ZC3H12D: variants seen among roughly 807,000 people sequenced by gnomAD.
ZC3H12D encodes the protein zinc finger CCCH-type containing 12D, also known as probable ribonuclease ZC3H12D.
ZC3H12D carries 11 observed loss-of-function variants against 24.2 expected under a neutral mutation model. The ratio of observed to expected loss-of-function variants is 0.46; its 90% CI spans 0.29 to 0.75. ZC3H12D has a LOEUF of 0.75. Among genes scored for constraint, ZC3H12D ranks in the 30% least tolerant of loss-of-function variants. The pLI, the probability that ZC3H12D is intolerant of heterozygous loss-of-function variation, is 0.11. For missense variants in ZC3H12D, 740 were observed against 767.7 expected (o/e 0.96, Z 0.43); for synonymous variants, 333 against 341.8 (o/e 0.97, Z 0.28).
intron 1 of ZC3H12D, among the ~76,000 whole-genome samples, chr6:149,474,970 T>C (rs780997750): frequency 1.3e-5 from 2 of 151,666 alleles, no homozygotes; most frequent in Non-Finnish European, 2.9e-5. Context: ...ATTCCCATGG[T>C]AAATTCCTCA....
At chr6:149,451,511 G>A (rs576175501) in intron 5 of ZC3H12D, 32 bp from the exon 6 acceptor site, 34 of 1,527,558 alleles carry the variant, frequency 2.2e-5, no homozygotes, top group South Asian at 1.3e-4. Flanking sequence ...AGGGCGCGAC[G>A]TGAGGCCCGG....
At chr6:149,462,165 G>C (rs1310560893) in intron 2 of ZC3H12D, among the ~76,000 whole-genome samples, 195 bp from the exon 3 acceptor site, 1 of 152,130 alleles carries the variant, frequency 6.6e-6, no homozygotes, top group East Asian at 1.9e-4. Context: ...CTTGAGGTCA[G>C]GAGTTTGAGA....
chr6:149,465,481 G>A (rs1204299952), intron 2 of ZC3H12D, among the ~76,000 whole-genome samples: 1 of 152,170 alleles, frequency 6.6e-6, no homozygotes. Flanking sequence ...AAGGCCGGGT[G>A]TGGTGGCTCA....
chr6:149,456,622 C>CCCCCCCCCCCCCCCCCCGGGGGGG lies in ZC3H12D; in HGVS notation c.680+43_680+44insCCCCCCCGGGGGGGGGGGGGGGGG. 7.6e-7 allele frequency: 1 copy of CCCCCCCCCCCCCCCCCCGGGGGGG among 1,314,354 alleles called. No individual in the cohort carries two copies. Among genetic ancestry groups the CCCCCCCCCCCCCCCCCCGGGGGGG allele is most frequent in the Non-Finnish European group, 1.1e-6 (1 of 921,304 alleles). The allele number at this position is 1,314,354 out of a possible 1,614,324, so 81.4% of individuals were successfully genotyped here. A position where few individuals can be genotyped will look rare whatever the true frequency, so the allele number is the denominator to read the frequency against. On this transcript the variant is annotated intron_variant, in intron 4 of 5. Transcript: ENST00000409806. The surrounding 1 kb of genome is among the most constrained non-coding windows in gnomAD (Gnocchi z 4.3). ...GGCCACTGCCTCGACCCCGGCCCCC[C>CCCCCCCCCCCCCCCCCCGGGGGGG]GCCCCGCCGCCCCCCAGGGTGTCAG...
At chr6:149,480,552 C>A (rs1271657472) in intron 1 of ZC3H12D, among the ~76,000 whole-genome samples, 2 of 152,176 alleles carry the variant, frequency 1.3e-5, no homozygotes, top group Non-Finnish European at 2.9e-5. Flanking sequence ...GCCTGACCAA[C>A]GTGGAGAAAC....
Position 149,456,626 on chromosome 6 carries a change from C to A in ZC3H12D, c.680+40G>T. The stretch of plus-strand genomic sequence containing the variant: ...ACTGCCTCGACCCCGGCCCCCCGCC[C>A]CGCCGCCCCCCAGGGTGTCAGGACC... On this transcript the variant is annotated intron_variant, in intron 4 of 5. Coordinates refer to ENST00000409806, the MANE Select transcript of ZC3H12D (RefSeq NM_207360.3). The surrounding 1 kb of genome is among the most constrained non-coding windows in gnomAD (Gnocchi z 4.3). 7.2e-7 allele frequency: 1 copy of A among 1,386,858 alleles called. No homozygotes were observed. The highest frequency in any genetic ancestry group is 1.0e-6 in the Non-Finnish European group (1 of 983,186). 85.9% of individuals were successfully genotyped at this position (1,386,858 alleles called of 1,614,324 possible).
In ZC3H12D at chr6:149,482,304, G is replaced by A. The variant is rs530314759; in HGVS notation, c.-71+2509C>T. Among the ~76,000 whole-genome samples, 69 of 152,370 alleles carry A rather than the reference G, an allele frequency of 4.5e-4. 1 individual carries two copies. The highest frequency in any genetic ancestry group is 6.5e-4 in the African/African-American group (27 of 41,576). ...GGCCCTGGAGCCGCAGCCTTCCCCC[G>A]GGACGTGATGGTCTCTGAGCTGCAG... On this transcript the variant is annotated intron_variant, in intron 1 of 5. Transcript: ENST00000409806.
chr6:149,450,611 G>T lies in ZC3H12D; in HGVS notation c.*72C>A. ...TGATGGGCCCACTCAGGTCCAGGCT[G>T]GCAACCACAGGTCCACCCGTCCAAG... On this transcript the variant is annotated 3_prime_UTR_variant, in exon 6 of 6. Coordinates refer to ENST00000409806, the MANE Select transcript of ZC3H12D (RefSeq NM_207360.3). 1 of 1,401,300 alleles carries T rather than the reference G, an allele frequency of 7.1e-7. No individual in the cohort carries two copies. Among genetic ancestry groups the T allele is most frequent in the South Asian group, 1.5e-5 (1 of 67,890 alleles). The allele number at this position is 1,401,300 out of a possible 1,614,324, so 86.8% of individuals were successfully genotyped here.
chr6:149,467,255 T>A (rs1338252955), intron 2 of ZC3H12D, among the ~76,000 whole-genome samples: 1 of 136,056 alleles, frequency 7.3e-6, no homozygotes, highest in Non-Finnish European at 1.5e-5. Flanking sequence ...CTTGGAGCTC[T>A]TTTTTTTTTA....
Position 149,456,245 on chromosome 6 carries a change from C to T in ZC3H12D, c.680+421G>A, listed in dbSNP as rs1417450597. Reference sequence around the variant, plus strand: ...CCAGCCTGGGTGACAGAGCAAGACTCCATCTCAAAAAATAAAATAAAATAA... The same window carrying T: ...CCAGCCTGGGTGACAGAGCAAGACTTCATCTCAAAAAATAAAATAAAATAA... On this transcript the variant is annotated intron_variant, in intron 4 of 5. Coordinates refer to ENST00000409806, the MANE Select transcript of ZC3H12D (RefSeq NM_207360.3). The surrounding 1 kb of genome is among the most constrained non-coding windows in gnomAD (Gnocchi z 4.3). Among the ~76,000 whole-genome samples, 1 of 131,326 alleles carries T rather than the reference C, an allele frequency of 7.6e-6. No individual in the cohort carries two copies. Among genetic ancestry groups the T allele is most frequent in the Non-Finnish European group, 1.7e-5 (1 of 57,754 alleles). 86.2% of individuals were successfully genotyped at this position (131,326 alleles called of 152,430 possible).
chr6:149,453,121 C>G (rs1015515136), intron 4 of ZC3H12D, among the ~76,000 whole-genome samples: 9 of 109,012 alleles, frequency 8.3e-5, no homozygotes, highest in African/African-American at 3.5e-4. Flanking sequence ...CTTGTCTCTA[C>G]AGAAAGCAAA....
intron 2 of ZC3H12D, among the ~76,000 whole-genome samples, chr6:149,472,166 A>C (rs1194296442): frequency 6.6e-6 from 1 of 152,250 alleles, no homozygotes; most frequent in Non-Finnish European, 1.5e-5. Context: ...AGGACACAAC[A>C]GATGTCACTG....
chr6:149,451,027 G>C lies in ZC3H12D; in HGVS notation c.1240C>G (p.Arg414Gly), dbSNP rs780468633. Residue 414 changes from arginine to glycine, a missense_variant, in exon 6 of 6, where the codon CGG (arginine) becomes GGG (glycine). Coordinates refer to ENST00000409806, the MANE Select transcript of ZC3H12D (RefSeq NM_207360.3). The stretch of plus-strand genomic sequence containing the variant: ...AGGTCCCTAGGGCGGTGTTCGCCCC[G>C]CGGCTGGAGCTGCAGGCCGGGCGGA... ...PPPPGLQLQPRGEHRPRDLHG... is the reference protein window; with the variant it reads ...PPPPGLQLQPGGEHRPRDLHG... 12 of 1,441,958 alleles carry C rather than the reference G, an allele frequency of 8.3e-6. No homozygotes were observed. In the East Asian group the frequency reaches 3.1e-4, roughly 38 times the overall value. The allele number at this position is 1,441,958 out of a possible 1,614,324, so 89.3% of individuals were successfully genotyped here. A position where few individuals can be genotyped will look rare whatever the true frequency, so the allele number is the denominator to read the frequency against.
rs921007355 is a variant in ZC3H12D at position 149,447,895 on chromosome 6, T to C, written c.*2788A>G. On this transcript the variant is annotated 3_prime_UTR_variant, in exon 6 of 6. Coordinates refer to ENST00000409806, the MANE Select transcript of ZC3H12D (RefSeq NM_207360.3). Reference sequence around the variant, plus strand: ...AGGAAGCAGTTTAAACATTTTCAACTGAAAAATCAGCAACACAATGATTCT... The same window carrying C: ...AGGAAGCAGTTTAAACATTTTCAACCGAAAAATCAGCAACACAATGATTCT... 1 of 152,154 alleles carries C rather than the reference T, an allele frequency of 6.6e-6. No homozygotes were observed. Among genetic ancestry groups the C allele is most frequent in the African/African-American group, 2.4e-5 (1 of 41,434 alleles). 9.4% of individuals were successfully genotyped at this position (152,154 alleles called of 1,614,324 possible). A position where few individuals can be genotyped will look rare whatever the true frequency, so the allele number is the denominator to read the frequency against.
At position 149,452,190 on chromosome 6, in the gene ZC3H12D, C is replaced by T. The variant is rs1014434953; in HGVS notation, c.787+426G>A. 26 of 166,138 alleles carry T rather than the reference C, an allele frequency of 1.6e-4. No homozygotes were observed. Among genetic ancestry groups the T allele is most frequent in the Admixed American group, 1.9e-4 (3 of 15,774 alleles). 10.3% of individuals were successfully genotyped at this position (166,138 alleles called of 1,614,324 possible). A position where few individuals can be genotyped will look rare whatever the true frequency, so the allele number is the denominator to read the frequency against. ...AAGAGCTGGCTAGAAGGCTGGCATCCCCCAGGGTGCTGGGATAAAATTCTT... is the reference window on the plus strand; with the variant it reads ...AAGAGCTGGCTAGAAGGCTGGCATCTCCCAGGGTGCTGGGATAAAATTCTT... On this transcript the variant is annotated intron_variant, in intron 5 of 5. Transcript: ENST00000409806. This position sits in a 1 kb window ranked among gnomAD's most constrained non-coding sequence, Gnocchi z 4.0.
intron 1 of ZC3H12D, among the ~76,000 whole-genome samples, chr6:149,478,569 G>A (rs1008160335): frequency 6.6e-6 from 1 of 152,252 alleles, no homozygotes; most frequent in African/African-American, 2.4e-5. Context: ...GCCTCTTTAA[G>A]AACCTTAATA....
chr6:149,467,112 C>T (rs1012906792), intron 2 of ZC3H12D, among the ~76,000 whole-genome samples: 17 of 152,116 alleles, frequency 1.1e-4, no homozygotes, highest in African/African-American at 3.9e-4. Flanking sequence ...GCCCACTCCC[C>T]AGCACACAGA....
At chr6:149,463,363 G>A (rs979504691) in intron 2 of ZC3H12D, among the ~76,000 whole-genome samples, 2 of 152,186 alleles carry the variant, frequency 1.3e-5, no homozygotes, top group Non-Finnish European at 2.9e-5. Flanking sequence ...AAAAAGCCAC[G>A]GAAGGATTTC....
Position 149,461,934 on chromosome 6 carries a change from G to A in ZC3H12D, c.342C>T (p.Ile114=), listed in dbSNP as rs1259829846. ...GNKETFSCRG[I]KLAVDWFRDR... ...CCCTGAACCAGTCAACAGCCAGCTT[G>A]ATTCCCCGGCAAGAGAAGGTTTCTT... The change falls in exon 3 of 6, where the codon ATC becomes ATT. Residue 114 remains isoleucine (I), a synonymous_variant. Transcript: ENST00000409806. 2 of 1,612,236 alleles carry A rather than the reference G, an allele frequency of 1.2e-6. No homozygotes were observed. Among genetic ancestry groups the A allele is most frequent in the Non-Finnish European group, 1.7e-6 (2 of 1,179,232 alleles).
Sources: gnomAD v4.1 joint callset for allele counts (sites outside exome capture counted in the v4.1 genomes callset) on GRCh38, gnomAD v4.1.1 for gene constraint, Gnocchi (gnomAD v3.1) non-coding constraint, MANE v1.5 for transcripts, NCBI Gene and HGNC (gene_info 2026-07-23, HGNC 2026-07-21) for gene names.